Variants in SETBP1 observed in about 807,000 individuals in gnomAD.
SETBP1 encodes the protein SET binding protein 1.
Under a neutral mutation model 101.0 loss-of-function variants are expected in SETBP1, and 9 were observed. That is an observed-to-expected ratio of 0.09 (90% confidence interval 0.05 to 0.16). The LOEUF is 0.16. SETBP1 is among the 10% of genes least tolerant of loss of function. SETBP1 has a pLI of 1.00. For missense variants in SETBP1, 1,858 were observed against 2,033.8 expected (o/e 0.91, Z 1.66); for synonymous variants, 818 against 788.5 (o/e 1.04, Z -0.63).
chr18:44,808,340 A>G (rs1260484814), intron 2 of SETBP1, among the ~76,000 whole-genome samples: 1 of 152,182 alleles, frequency 6.6e-6, no homozygotes, highest in Non-Finnish European at 1.5e-5. Context: ...TCCACAGCAG[A>G]ACCCATCTAT....
chr18:44,713,684 T>G (rs971152218), intron 2 of SETBP1, among the ~76,000 whole-genome samples: 10 of 152,238 alleles, frequency 6.6e-5, no homozygotes, highest in African/African-American at 1.9e-4. Context: ...GCTATGTCAT[T>G]GTTCATATAC....
At position 44,757,421 on chromosome 18, in the gene SETBP1, A is replaced by G. The variant is rs555964064; in HGVS notation, c.486+55589A>G. On this transcript the variant is annotated intron_variant, in intron 2 of 5. Transcript: ENST00000649279. ...GCCTCACTGCTAATGCTCGCTGACT[A>G]GACAGATTCAATCCGCACTAGCCAC... Among the ~76,000 whole-genome samples, 4 of 152,322 alleles carry G rather than the reference A, an allele frequency of 2.6e-5. No homozygotes were observed. In the South Asian group the frequency reaches 8.3e-4, roughly 32 times the overall value.
At position 44,856,553 on chromosome 18, in the gene SETBP1, C is replaced by A. The variant is rs1057148170; in HGVS notation, c.487-12677C>A. On this transcript the variant is annotated intron_variant, in intron 2 of 5. Coordinates refer to ENST00000649279, the MANE Select transcript of SETBP1 (RefSeq NM_015559.3). ...ATTTTATCAATCTCATATCTTACTA[C>A]TTTTGTTATATTAAAAATGCTTTAT... 2.0e-5 allele frequency among the ~76,000 whole-genome samples: 3 copies of A among 152,148 alleles called. No homozygotes were observed. In the East Asian group the frequency reaches 5.8e-4, roughly 29 times the overall value.
chr18:45,049,784 A>G (rs1253861090), intron 5 of SETBP1, among the ~76,000 whole-genome samples: 1 of 152,148 alleles, frequency 6.6e-6, no homozygotes, highest in East Asian at 1.9e-4. Flanking sequence ...CATCTGCAGT[A>G]ATATCTTCCG....
intron 4 of SETBP1, among the ~76,000 whole-genome samples, chr18:44,995,354 G>A (rs987391374): frequency 1.3e-5 from 2 of 152,096 alleles, no homozygotes; most frequent in East Asian, 3.9e-4. Context: ...TGTTAGCCAG[G>A]ACGGTCTTGA....
chr18:44,779,598 C>T (rs752157659), intron 2 of SETBP1, among the ~76,000 whole-genome samples: 1 of 151,716 alleles, frequency 6.6e-6, no homozygotes, highest in Admixed American at 6.6e-5. Flanking sequence ...AAAGGGAGAG[C>T]GAGAGGGAAA....
intron 5 of SETBP1, among the ~76,000 whole-genome samples, chr18:45,040,122 T>C (rs1234663020): frequency 6.6e-6 from 1 of 152,146 alleles, no homozygotes; most frequent in Non-Finnish European, 1.5e-5. Flanking sequence ...GAAATGGTGT[T>C]CTCTCCAGCC....
At chr18:45,047,727 A>T (rs951465968) in intron 5 of SETBP1, among the ~76,000 whole-genome samples, 4 of 152,198 alleles carry the variant, frequency 2.6e-5, no homozygotes, top group Admixed American at 2.6e-4. Flanking sequence ...ATTAAGAATG[A>T]TCTTGAGTGG....
chr18:44,868,885 C>A (rs867654491), intron 2 of SETBP1, among the ~76,000 whole-genome samples: 1 of 152,162 alleles, frequency 6.6e-6, no homozygotes, highest in Non-Finnish European at 1.5e-5. Context: ...GAAATATATA[C>A]ATCTATAGAT....
rs1329563629 is a variant in SETBP1 at position 45,067,556 on chromosome 18, T to C, written c.*3858T>C. 6.6e-6 allele frequency: 1 copy of C among 152,180 alleles called. No individual in the cohort carries two copies. 9.4% of individuals were successfully genotyped at this position (152,180 alleles called of 1,614,324 possible). On this transcript the variant is annotated 3_prime_UTR_variant, in exon 6 of 6. Transcript: ENST00000649279. The stretch of plus-strand genomic sequence containing the variant: ...CTCGTTATGTAAAAGTAGATAAATA[T>C]AGACGTTATTCTCAACACTACCCTA...
intron 3 of SETBP1, chr18:44,876,458 A>G (rs1277839581): frequency 1.3e-6 from 1 of 755,264 alleles, no homozygotes; most frequent in Non-Finnish European, 2.1e-6. Flanking sequence ...AAATACAGGA[A>G]TCCAGTCCTA....
intron 4 of SETBP1, among the ~76,000 whole-genome samples, chr18:45,038,249 A>G (rs906629348): frequency 3.3e-5 from 5 of 152,086 alleles, no homozygotes; most frequent in African/African-American, 1.2e-4. Flanking sequence ...CTATGCTGTG[A>G]CCCCACCACT....
chr18:44,941,717 C>T (rs1354435344), intron 3 of SETBP1, among the ~76,000 whole-genome samples: 1 of 149,482 alleles, frequency 6.7e-6, no homozygotes, highest in Admixed American at 6.7e-5. Context: ...GTTTACTCAA[C>T]TTCTCTTTTG....
intron 4 of SETBP1, among the ~76,000 whole-genome samples, chr18:44,980,841 G>C (rs1285371415): frequency 6.6e-6 from 1 of 152,172 alleles, no homozygotes; most frequent in Non-Finnish European, 1.5e-5. Flanking sequence ...TAGGAGCCCA[G>C]GTTTGAAAGC....
chr18:44,970,159 C>T (rs542611197), intron 4 of SETBP1: 1 of 154,728 alleles, frequency 6.5e-6, no homozygotes, highest in Non-Finnish European at 1.5e-5. Context: ...CTCAGGGACT[C>T]AAGCCAAAAA....
intron 2 of SETBP1, among the ~76,000 whole-genome samples, chr18:44,854,560 A>G (rs1292208132): frequency 6.6e-6 from 1 of 152,154 alleles, no homozygotes; most frequent in Non-Finnish European, 1.5e-5. Context: ...TGGGCTATTG[A>G]CCATGCCTAC....
At chr18:44,901,075 A>T (rs968884990) in intron 3 of SETBP1, among the ~76,000 whole-genome samples, 1 of 152,224 alleles carries the variant, frequency 6.6e-6, no homozygotes, top group Non-Finnish European at 1.5e-5. Context: ...AAAACAGAAC[A>T]AACTGTTTAA....
chr18:44,889,349 C>T (rs185586557), intron 3 of SETBP1, among the ~76,000 whole-genome samples: 8 of 152,238 alleles, frequency 5.3e-5, no homozygotes, highest in African/African-American at 1.7e-4. Flanking sequence ...CCATCAGAGC[C>T]TTATTTATCA....
chr18:44,844,647 G>A (rs1052569142), intron 2 of SETBP1, among the ~76,000 whole-genome samples: 2 of 152,120 alleles, frequency 1.3e-5, no homozygotes, highest in Non-Finnish European at 2.9e-5. Context: ...AGAAATCATG[G>A]GATTTTTCCT....
Sources: allele counts gnomAD v4.1 joint callset (sites outside exome capture counted in the v4.1 genomes callset), GRCh38; gene constraint gnomAD v4.1.1; transcripts MANE v1.5; gene names NCBI Gene and HGNC (gene_info 2026-07-23, HGNC 2026-07-21).